Variants in PCDH15 observed in about 807,000 individuals in gnomAD.
PCDH15 encodes protocadherin related 15.
PCDH15 carries 129 observed loss-of-function variants against 178.5 expected under a neutral mutation model. The ratio of observed to expected loss-of-function variants is 0.72; its 90% CI spans 0.63 to 0.84. PCDH15 has a LOEUF of 0.84. Among genes scored for constraint, PCDH15 ranks in the 40% least tolerant of loss-of-function variants. The pLI is 0.00. For synonymous variants in PCDH15, 800 were observed against 732.0 expected, an observed-to-expected ratio of 1.09 and a Z score of -1.50; for missense variants, 2,230 against 2,099.9, an observed-to-expected ratio of 1.06 and a Z score of -1.21.
chr10:54,727,180 C>G (rs1256908075), intron 1 of PCDH15, among the ~76,000 whole-genome samples: 1 of 150,786 alleles, frequency 6.6e-6, no homozygotes, highest in African/African-American at 2.4e-5. Flanking sequence ...CTAAAATCAA[C>G]CAGATGATTT....
chr10:55,543,235 ATG>A (rs749635017), intron 2 of PCDH15, among the ~76,000 whole-genome samples: 6 of 150,744 alleles, frequency 4.0e-5, no homozygotes, highest in African/African-American at 9.7e-5. Flanking sequence ...ATAATTACAA[ATG>A]TGTGTGTCTA....
chr10:54,292,421 A>T (rs533397960), intron 8 of PCDH15, among the ~76,000 whole-genome samples: 2 of 152,338 alleles, frequency 1.3e-5, no homozygotes, highest in African/African-American at 4.8e-5. Context: ...CAAGACAGGG[A>T]TGTCCTCTCT....
chr10:55,164,798 CATT>C (rs1839154647), intron 2 of PCDH15, among the ~76,000 whole-genome samples: 1 of 152,044 alleles, frequency 6.6e-6, no homozygotes, highest in African/African-American at 2.4e-5. Flanking sequence ...ATGGCCTCAT[CATT>C]ATTAGTCATC....
chr10:55,258,877 AG>A (rs1295082432), intron 1 of PCDH15, among the ~76,000 whole-genome samples: 1 of 151,920 alleles, frequency 6.6e-6, no homozygotes, highest in African/African-American at 2.4e-5. Flanking sequence ...CCTCTCAAAA[AG>A]TATCAAAAAA....
chr10:53,934,512 GGT>G (rs2085385208), intron 25 of PCDH15, among the ~76,000 whole-genome samples: 1 of 151,874 alleles, frequency 6.6e-6, no homozygotes, highest in Non-Finnish European at 1.5e-5. Flanking sequence ...GCAGGAGAAT[GGT>G]GTGAACCCAG....
intron 2 of PCDH15, among the ~76,000 whole-genome samples, chr10:55,329,543 AG>A (rs1179120396): frequency 6.6e-6 from 1 of 151,774 alleles, no homozygotes; most frequent in Non-Finnish European, 1.5e-5. Flanking sequence ...TAGGGAAATG[AG>A]GAGAAAATTT....
At chr10:54,496,316 G>A (rs1443353314) in intron 3 of PCDH15, among the ~76,000 whole-genome samples, 1 of 151,918 alleles carries the variant, frequency 6.6e-6, no homozygotes, top group Non-Finnish European at 1.5e-5. Context: ...AGAGAGTTTT[G>A]TTTTCTTTAT....
intron 1 of PCDH15, among the ~76,000 whole-genome samples, chr10:55,225,428 T>C (rs1841003864): frequency 6.6e-6 from 1 of 152,112 alleles, no homozygotes; most frequent in South Asian, 2.1e-4. Context: ...AGATAAGAGT[T>C]GTCAACTTAA....
intron 8 of PCDH15, among the ~76,000 whole-genome samples, chr10:54,288,545 A>G (rs1341037051): frequency 1.3e-5 from 2 of 152,166 alleles, no homozygotes; most frequent in Non-Finnish European, 2.9e-5. Flanking sequence ...AGGGCGAGCC[A>G]CAGCAGGGTG....
At chr10:54,730,312 G>T (rs535427109) in intron 1 of PCDH15, among the ~76,000 whole-genome samples, 1 of 151,510 alleles carries the variant, frequency 6.6e-6, no homozygotes, top group Non-Finnish European at 1.5e-5. Flanking sequence ...AAAACCAAAT[G>T]CCATATATTC....
chr10:55,062,598 T>C (rs1841460734), intron 2 of PCDH15, among the ~76,000 whole-genome samples: 1 of 152,144 alleles, frequency 6.6e-6, no homozygotes, highest in African/African-American at 2.4e-5. Flanking sequence ...GATGGATAAA[T>C]AGGCAGAGCA....
At chr10:54,524,419 G>A (rs1036516494) in intron 3 of PCDH15, among the ~76,000 whole-genome samples, 2 of 152,070 alleles carry the variant, frequency 1.3e-5, no homozygotes, top group African/African-American at 2.4e-5. Flanking sequence ...TGTACACTTC[G>A]GCAGATTCTG....
At chr10:54,395,939 A>G (rs906851501) in intron 3 of PCDH15, among the ~76,000 whole-genome samples, 2 of 152,140 alleles carry the variant, frequency 1.3e-5, no homozygotes, top group Non-Finnish European at 2.9e-5. Flanking sequence ...TGCTGAACCA[A>G]TTTACCTATG....
chr10:55,622,929 C>T (rs1307264498), intron 2 of PCDH15, among the ~76,000 whole-genome samples: 1 of 152,140 alleles, frequency 6.6e-6, no homozygotes. Flanking sequence ...ACTCATAAAA[C>T]TGAGCAAATG....
At chr10:54,374,839 G>A (rs190499061) in intron 4 of PCDH15, among the ~76,000 whole-genome samples, 124 of 152,002 alleles carry the variant, frequency 8.2e-4, no homozygotes, top group Middle Eastern at 3.4e-3. Context: ...ATATCTGAGC[G>A]TTGGGTATTT....
chr10:55,484,829 C>T (rs1458187150), intron 2 of PCDH15, among the ~76,000 whole-genome samples: 1 of 151,544 alleles, frequency 6.6e-6, no homozygotes, highest in African/African-American at 2.4e-5. Context: ...ATGTGATGGC[C>T]ACAGGCAAAA....
At chr10:55,284,075 T>C (rs1469601375) in intron 1 of PCDH15, among the ~76,000 whole-genome samples, 1 of 152,194 alleles carries the variant, frequency 6.6e-6, no homozygotes, top group Admixed American at 6.6e-5. Context: ...TTGCAATGGA[T>C]GCTTTGGTTT....
intron 2 of PCDH15, among the ~76,000 whole-genome samples, chr10:55,134,670 A>C (rs1282166230): frequency 6.6e-6 from 1 of 152,162 alleles, no homozygotes. Flanking sequence ...AGGTAGCATT[A>C]GGTAGGTTAT....
intron 13 of PCDH15, among the ~76,000 whole-genome samples, chr10:54,180,866 A>G (rs1300414738): frequency 6.6e-6 from 1 of 152,204 alleles, no homozygotes; most frequent in African/African-American, 2.4e-5. Context: ...CATAATCTGC[A>G]TAGTTCAGGA....
Sources: allele counts gnomAD v4.1 joint callset (sites outside exome capture counted in the v4.1 genomes callset), GRCh38; gene constraint gnomAD v4.1.1; transcripts MANE v1.5; gene names NCBI Gene and HGNC (gene_info 2026-07-23, HGNC 2026-07-21).